WDR86: variants seen among roughly 807,000 people sequenced by gnomAD.
WDR86 encodes WD repeat-containing protein 86.
WDR86 carries 30 observed loss-of-function variants against 36.5 expected under a neutral mutation model. That is an observed-to-expected ratio of 0.82 (90% CI 0.61 to 1.11). WDR86 has a LOEUF of 1.11. Ranked by LOEUF, WDR86 falls within the 50% of genes most tolerant of loss-of-function variation. The probability of loss-of-function intolerance (pLI) is 0.00; values close to 1 mark genes in which losing one functional copy is unlikely to be tolerated. For missense variants in WDR86, 545 were observed against 561.2 expected (o/e 0.97, Z 0.29); for synonymous variants, 255 against 252.9 (o/e 1.01, Z -0.08).
Position 151,405,922 on chromosome 7 carries a change from CCTA to C in WDR86, c.163+3502_163+3504del, listed in dbSNP as rs551316348. Among the ~76,000 whole-genome samples the C allele has an allele frequency of 5.5e-4, 83 of 152,272 alleles. 5 individuals are homozygous for C. In the South Asian group the frequency reaches 0.017, roughly 31 times the overall value. On this transcript the variant is annotated intron_variant, in intron 1 of 5. Transcript: ENST00000334493. This position sits in a 1 kb window ranked among gnomAD's most constrained non-coding sequence, Gnocchi z 4.7. ...GGGCTGCCACCTTCAGGCTGAGTCC[CCTA>C]CTCAACAGGAACAGGATAGGATAGG...
chr7:151,385,235 A>T lies in WDR86; in HGVS notation c.727-12T>A. ...AGTCGGTTCACCAGCTGCGAGGAGGAGCAGGGAAGGTCGGCAGCTGGGGCA... is the reference window on the plus strand; with the variant it reads ...AGTCGGTTCACCAGCTGCGAGGAGGTGCAGGGAAGGTCGGCAGCTGGGGCA... On this transcript the variant is annotated splice_polypyrimidine_tract_variant and intron_variant, in intron 3 of 5. Coordinates refer to ENST00000334493, the MANE Select transcript of WDR86 (RefSeq NM_198285.3). 1 of 1,610,056 alleles carries T rather than the reference A, an allele frequency of 6.2e-7. No individual in the cohort carries two copies. The highest frequency in any genetic ancestry group is 2.2e-5 in the East Asian group (1 of 44,860).
At chr7:151,398,504 G>A (rs1017708775) in intron 2 of WDR86, among the ~76,000 whole-genome samples, 1 of 151,290 alleles carries the variant, frequency 6.6e-6, no homozygotes, top group Non-Finnish European at 1.5e-5. Context: ...GTGTGCGCAC[G>A]TGTGTATGTG....
downstream of WDR86, chr7:151,378,073 T>C (rs1798390319): frequency 6.6e-6 from 1 of 152,188 alleles, no homozygotes; most frequent in Admixed American, 6.5e-5. Context: ...GTTTTCTTTG[T>C]TGTTGTTGTT....
chr7:151,369,898 G>A, the WDR86 span, among the ~76,000 whole-genome samples: 4 of 152,264 alleles, frequency 2.6e-5, no homozygotes, highest in East Asian at 1.9e-4. Context: ...GGAAAGCCCC[G>A]TGGTTGTTTG....
At chr7:151,376,681 A>T (rs1247539976), downstream of WDR86, 3 of 1,611,220 alleles carry the variant, frequency 1.9e-6, no homozygotes, top group Admixed American at 5.0e-5. Context: ...CTGCGCTGAG[A>T]GTGTTCAGAG....
At chr7:151,396,264 C>T in intron 2 of WDR86, 68 bp from the exon 3 acceptor site, 1 of 1,558,958 alleles carries the variant, frequency 6.4e-7, no homozygotes, top group Non-Finnish European at 8.8e-7. Flanking sequence ...AGCCTCCCGA[C>T]ATGCCATGCT....
intron 2 of WDR86, 151 bp downstream of exon 2, chr7:151,399,949 G>C: frequency 1.6e-6 from 1 of 620,072 alleles, no homozygotes. Flanking sequence ...CCACGTCGCT[G>C]GGTGCTACTG....
intron 3 of WDR86, among the ~76,000 whole-genome samples, chr7:151,386,229 C>G (rs1798971616): frequency 6.6e-6 from 1 of 152,214 alleles, no homozygotes; most frequent in Non-Finnish European, 1.5e-5. Context: ...ACCTTCCCCT[C>G]ACGACCACGC....
intron 3 of WDR86, among the ~76,000 whole-genome samples, chr7:151,387,033 C>T (rs373457027): frequency 3.3e-5 from 5 of 152,340 alleles, no homozygotes; most frequent in East Asian, 1.9e-4. Flanking sequence ...CCACCACCAG[C>T]GCAGCGTTTC....
At chr7:151,370,050 T>C in the WDR86 span, among the ~76,000 whole-genome samples, 192 of 152,244 alleles carry the variant, frequency 1.3e-3, no homozygotes, top group African/African-American at 4.5e-3. Flanking sequence ...GGTCTTGCTA[T>C]AGAAGTCAAT....
chr7:151,397,648 C>CA (rs1799928034), intron 2 of WDR86, among the ~76,000 whole-genome samples: 1 of 113,138 alleles, frequency 8.8e-6, no homozygotes. Flanking sequence ...AAGGGCATAG[C>CA]GGGAGGAAGG....
chr7:151,405,067 G>A lies in WDR86; in HGVS notation c.163+4360C>T, dbSNP rs1446301923. Among the ~76,000 whole-genome samples, 1 of 152,110 alleles carries A rather than the reference G, an allele frequency of 6.6e-6. No homozygotes were observed. Among genetic ancestry groups the A allele is most frequent in the Non-Finnish European group, 1.5e-5 (1 of 67,990 alleles). On this transcript the variant is annotated intron_variant, in intron 1 of 5. Transcript: ENST00000334493. The surrounding 1 kb of genome is among the most constrained non-coding windows in gnomAD (Gnocchi z 4.7). The stretch of plus-strand genomic sequence containing the variant: ...CACAAGGGTTATTTTCACCTGTGGG[G>A]GAGGCCCCACTGAGCCTGCTGTCCA...
intron 3 of WDR86, among the ~76,000 whole-genome samples, chr7:151,393,634 G>A (rs1799599764): frequency 1.3e-5 from 2 of 152,102 alleles, no homozygotes; most frequent in Admixed American, 1.3e-4. Context: ...CGAACTCCTG[G>A]CCCCTTCCCC....
chr7:151,378,142 C>G (rs1798394409), downstream of WDR86: 1 of 152,146 alleles, frequency 6.6e-6, no homozygotes, highest in South Asian at 2.1e-4. Flanking sequence ...TGTGTCGGCT[C>G]CAGCAGTAAC....
intron 2 of WDR86, among the ~76,000 whole-genome samples, chr7:151,396,542 G>A (rs189728701): frequency 2.1e-4 from 31 of 147,408 alleles, no homozygotes; most frequent in African/African-American, 5.9e-4. Context: ...GGAAGCGGGT[G>A]GGGGGGAAGG....
chr7:151,381,086 G>T, downstream of WDR86: 1 of 1,151,724 alleles, frequency 8.7e-7, no homozygotes, highest in Non-Finnish European at 1.1e-6. This position sits in a 1 kb window ranked among gnomAD's most constrained non-coding sequence, Gnocchi z 4.8. Context: ...AAGAAGCTGA[G>T]ACTCAGTTTG....
In WDR86 at chr7:151,381,183, C is replaced by A; in HGVS notation, c.*399G>T. On this transcript the variant is annotated 3_prime_UTR_variant, in exon 6 of 6. Transcript: ENST00000334493. This position sits in a 1 kb window ranked among gnomAD's most constrained non-coding sequence, Gnocchi z 4.8. ...CAAGGCCCTCGAGACGGACGATTTG[C>A]CAAAATAACCAGGTTCAGTGGCTTC... 2 of 1,250,380 alleles carry A rather than the reference C, an allele frequency of 1.6e-6. No homozygotes were observed. Among genetic ancestry groups the A allele is most frequent in the Non-Finnish European group, 2.0e-6 (2 of 1,000,068 alleles). 77.5% of individuals were successfully genotyped at this position (1,250,380 alleles called of 1,614,324 possible). A position where few individuals can be genotyped will look rare whatever the true frequency, so the allele number is the denominator to read the frequency against.
At chr7:151,397,072 C>T (rs1048262900) in intron 2 of WDR86, among the ~76,000 whole-genome samples, 3 of 152,242 alleles carry the variant, frequency 2.0e-5, no homozygotes, top group Non-Finnish European at 2.9e-5. Flanking sequence ...GGTCTGAGCA[C>T]ACACCCTTGG....
chr7:151,382,338 T>C (rs761855244), intron 4 of WDR86, among the ~76,000 whole-genome samples: 1 of 152,120 alleles, frequency 6.6e-6, no homozygotes, highest in Non-Finnish European at 1.5e-5. Flanking sequence ...TTCCGCTGCG[T>C]CGGCAACCTT....
Sources: gnomAD v4.1 joint callset for allele counts (sites outside exome capture counted in the v4.1 genomes callset) on GRCh38, gnomAD v4.1.1 for gene constraint, Gnocchi (gnomAD v3.1) non-coding constraint, MANE v1.5 for transcripts, NCBI Gene and HGNC (gene_info 2026-07-23, HGNC 2026-07-21) for gene names.